CNKSR3: variants seen among roughly 807,000 people sequenced by gnomAD.
CNKSR3 encodes the protein CNKSR family member 3.
In CNKSR3, 36 loss-of-function variants were observed where a neutral mutation model predicts 67.7. The observed-to-expected ratio is 0.53, with a 90% CI of 0.41 to 0.70. CNKSR3 has a LOEUF of 0.70. Ranked by LOEUF, CNKSR3 falls within the 30% of genes least tolerant of loss-of-function variation. CNKSR3 has a pLI of 0.00. For synonymous variants in CNKSR3, 281 were observed against 271.4 expected (o/e 1.04, Z -0.35); for missense variants, 630 against 695.2 (o/e 0.91, Z 1.05).
At chr6:154,467,575 T>G (rs1452659820) in intron 1 of CNKSR3, among the ~76,000 whole-genome samples, 1 of 152,192 alleles carries the variant, frequency 6.6e-6, no homozygotes, top group Non-Finnish European at 1.5e-5. Flanking sequence ...GGTAACTCCT[T>G]GAAGTGATTT....
intron 6 of CNKSR3, among the ~76,000 whole-genome samples, 175 bp downstream of exon 6, chr6:154,430,297 T>A (rs1238853549): frequency 1.3e-5 from 2 of 152,244 alleles, no homozygotes; most frequent in Admixed American, 1.3e-4. Flanking sequence ...ACTTTGTGGA[T>A]AGAAAACATA....
At chr6:154,495,575 A>G (rs1786861812) in intron 1 of CNKSR3, among the ~76,000 whole-genome samples, 1 of 149,748 alleles carries the variant, frequency 6.7e-6, no homozygotes, top group Non-Finnish European at 1.5e-5. Context: ...GGCTCTCACT[A>G]TGTTGTCCAG....
chr6:154,484,843 T>A (rs1019517413), intron 1 of CNKSR3, among the ~76,000 whole-genome samples: 1 of 152,200 alleles, frequency 6.6e-6, no homozygotes, highest in African/African-American at 2.4e-5. Context: ...GAAGCTTCTT[T>A]GAGAGTTTAA....
Position 154,405,721 on chromosome 6 carries a change from C to G in CNKSR3, c.*633G>C, listed in dbSNP as rs574863649. On this transcript the variant is annotated 3_prime_UTR_variant, in exon 13 of 13. Coordinates refer to ENST00000607772, the MANE Select transcript of CNKSR3 (RefSeq NM_173515.4). Reference sequence around the variant, plus strand: ...CTTCTTTGTGTGAAATAAGCCCTATCAAAATGTGTTCATGTATTTCTGTAC... The same window carrying G: ...CTTCTTTGTGTGAAATAAGCCCTATGAAAATGTGTTCATGTATTTCTGTAC... 6.6e-6 allele frequency: 1 copy of G among 152,366 alleles called. No homozygotes were observed. The highest frequency in any genetic ancestry group is 1.9e-4 in the East Asian group (1 of 5,190). 9.4% of individuals were successfully genotyped at this position (152,366 alleles called of 1,614,324 possible). A position where few individuals can be genotyped will look rare whatever the true frequency, so the allele number is the denominator to read the frequency against.
chr6:154,492,894 C>G (rs1786809769), intron 1 of CNKSR3, among the ~76,000 whole-genome samples: 1 of 152,186 alleles, frequency 6.6e-6, no homozygotes, highest in South Asian at 2.1e-4. Context: ...AATTCAATCT[C>G]TCAGTAAATC....
chr6:154,426,139 C>A (rs529379447), intron 7 of CNKSR3, among the ~76,000 whole-genome samples: 2 of 152,210 alleles, frequency 1.3e-5, no homozygotes, highest in South Asian at 4.1e-4. Flanking sequence ...TGGAAGAAGA[C>A]AAGTTTTCTT....
chr6:154,406,584 G>T lies in CNKSR3; in HGVS notation c.1438C>A (p.Pro480Thr). The T allele has an allele frequency of 1.2e-6, 2 of 1,614,224 alleles. No homozygotes were observed. Among genetic ancestry groups the T allele is most frequent in the Admixed American group, 3.3e-5 (2 of 60,028 alleles). ...IPPIIEESSS[P>T]PYRFSRPTTE... ...GTGGGTCTGGAGAACCGGTATGGGG[G>T]AGAGGAGCTCTCTTCAATGATCGGA... Residue 480 changes from proline to threonine, a missense_variant, in exon 13 of 13, where the codon CCC becomes ACC. Transcript: ENST00000607772.
chr6:154,502,553 C>T (rs1364386172), intron 1 of CNKSR3, among the ~76,000 whole-genome samples: 3 of 152,072 alleles, frequency 2.0e-5, no homozygotes, highest in African/African-American at 7.2e-5. Context: ...AGAGCAGAAA[C>T]CAGGGACGGG....
At chr6:154,465,441 T>C (rs1056472695) in intron 1 of CNKSR3, among the ~76,000 whole-genome samples, 2 of 152,094 alleles carry the variant, frequency 1.3e-5, no homozygotes, top group Non-Finnish European at 2.9e-5. Context: ...TTAATATATA[T>C]ATATATAACC....
intron 1 of CNKSR3, among the ~76,000 whole-genome samples, chr6:154,491,349 C>A (rs1237934802): frequency 2.0e-5 from 3 of 152,196 alleles, no homozygotes; most frequent in African/African-American, 7.2e-5. Context: ...AAGAACTTGA[C>A]AAACGGTAGG....
chr6:154,466,023 T>C (rs115116707), intron 1 of CNKSR3, among the ~76,000 whole-genome samples: 1 of 152,322 alleles, frequency 6.6e-6, no homozygotes, highest in African/African-American at 2.4e-5. Context: ...CTCCAAAGGA[T>C]GAAACACTTG....
rs995937507 is a variant in CNKSR3 at position 154,396,979 on chromosome 6, T to A, written c.*9375A>T. 16 of 140,230 alleles carry A rather than the reference T, an allele frequency of 1.1e-4. 1 individual carries two copies. The East Asian group carries it at 1.3e-3, about 11-fold the overall frequency. 8.7% of individuals were successfully genotyped at this position (140,230 alleles called of 1,614,324 possible). On this transcript the variant is annotated 3_prime_UTR_variant, in exon 13 of 13. Coordinates refer to ENST00000607772, the MANE Select transcript of CNKSR3 (RefSeq NM_173515.4). The stretch of plus-strand genomic sequence containing the variant: ...CACGCCCGGCTAATTTTTTTTTTTT[T>A]ATATTTTTAGTAGAGACGGGGTTTC...
intron 1 of CNKSR3, among the ~76,000 whole-genome samples, chr6:154,469,396 T>C (rs1028824625): frequency 6.6e-6 from 1 of 152,008 alleles, no homozygotes; most frequent in Non-Finnish European, 1.5e-5. Context: ...GACCTCAGAG[T>C]GCTACTGTGA....
rs143676819 is a variant in CNKSR3 at position 154,476,179 on chromosome 6, G to A, written c.53-25921C>T. Among the ~76,000 whole-genome samples the A allele has an allele frequency of 5.0e-4, 76 of 152,078 alleles. 1 individual carries two copies. In the East Asian group the frequency reaches 0.01, roughly 21 times the overall value. The stretch of plus-strand genomic sequence containing the variant: ...GCCTTCTAAGACAGACCTTCGGGCC[G>A]GGCGCGGTGGCTCACACCTGTAATT... On this transcript the variant is annotated intron_variant, in intron 1 of 12. Transcript: ENST00000607772.
chr6:154,455,571 G>A (rs928172676), intron 1 of CNKSR3, among the ~76,000 whole-genome samples: 1 of 150,820 alleles, frequency 6.6e-6, no homozygotes, highest in Admixed American at 6.6e-5. Context: ...ATAGGCACCC[G>A]CCAACACGTC....
In CNKSR3 at chr6:154,400,305, C is replaced by T. The variant is rs539573808; in HGVS notation, c.*6049G>A. On this transcript the variant is annotated 3_prime_UTR_variant, in exon 13 of 13. Coordinates refer to ENST00000607772, the MANE Select transcript of CNKSR3 (RefSeq NM_173515.4). ...CCGACTTTCCTTAGGTGTAGCCTCACGTTTTAATCCCTGAGGTATGTTGTA... is the reference window on the plus strand; with the variant it reads ...CCGACTTTCCTTAGGTGTAGCCTCATGTTTTAATCCCTGAGGTATGTTGTA... 5.9e-5 allele frequency: 9 copies of T among 152,172 alleles called. No homozygotes were observed. The highest frequency in any genetic ancestry group is 8.8e-5 in the Non-Finnish European group (6 of 68,040). The allele number at this position is 152,172 out of a possible 1,614,324, so 9.4% of individuals were successfully genotyped here.
intron 1 of CNKSR3, among the ~76,000 whole-genome samples, chr6:154,497,048 G>C (rs1786893501): frequency 6.6e-6 from 1 of 152,106 alleles, no homozygotes; most frequent in Non-Finnish European, 1.5e-5. Flanking sequence ...ATGAGATAAT[G>C]CATGGGAAGC....
At chr6:154,409,282 C>T (rs1475649269) in intron 12 of CNKSR3, among the ~76,000 whole-genome samples, 1 of 152,128 alleles carries the variant, frequency 6.6e-6, no homozygotes, top group African/African-American at 2.4e-5. Flanking sequence ...TTCAACTGCC[C>T]TTTGTTTCAA....
At chr6:154,476,046 G>A (rs1002451943) in intron 1 of CNKSR3, among the ~76,000 whole-genome samples, 1 of 151,926 alleles carries the variant, frequency 6.6e-6, no homozygotes, top group Non-Finnish European at 1.5e-5. Flanking sequence ...TTCGGATATG[G>A]ATGGTTCAGC....
Sources: allele counts gnomAD v4.1 joint callset (sites outside exome capture counted in the v4.1 genomes callset), GRCh38; gene constraint gnomAD v4.1.1; transcripts MANE v1.5; gene names NCBI Gene and HGNC (gene_info 2026-07-23, HGNC 2026-07-21).